Variants in CACNB2 observed in about 807,000 individuals in gnomAD.
CACNB2 encodes voltage-dependent L-type calcium channel subunit beta-2.
Under a neutral mutation model 73.3 loss-of-function variants are expected in CACNB2, and 42 were observed. That is an observed-to-expected ratio of 0.57 (90% confidence interval 0.45 to 0.74). The LOEUF (loss-of-function observed/expected upper bound fraction) is 0.74. CACNB2 is among the 30% of genes least tolerant of loss of function. The probability of loss-of-function intolerance (pLI) is 0.00; values close to 1 mark genes in which losing one functional copy is unlikely to be tolerated. For missense variants in CACNB2, 940 were observed against 853.0 expected (o/e 1.10, Z -1.27); for synonymous variants, 348 against 310.3 (o/e 1.12, Z -1.28).
chr10:18,244,674 G>A (rs1175761666), intron 2 of CACNB2, among the ~76,000 whole-genome samples: 1 of 152,204 alleles, frequency 6.6e-6, no homozygotes. Context: ...GAGAAGGATG[G>A]CTCCCTACCA....
chr10:18,481,341 G>C (rs1436360368), intron 3 of CACNB2, among the ~76,000 whole-genome samples: 1 of 137,556 alleles, frequency 7.3e-6, no homozygotes, highest in African/African-American at 2.8e-5. Flanking sequence ...CTGCCTCCTG[G>C]CTTCAAGTGA....
intron 7 of CACNB2, among the ~76,000 whole-genome samples, chr10:18,516,248 G>A (rs1170053931): frequency 2.0e-5 from 3 of 152,166 alleles, no homozygotes; most frequent in Non-Finnish European, 1.5e-5. Context: ...CAAGCTAAAT[G>A]GGGTTAACAG....
chr10:18,224,756 A>G (rs2035924850), intron 2 of CACNB2, among the ~76,000 whole-genome samples: 1 of 152,206 alleles, frequency 6.6e-6, no homozygotes, highest in African/African-American at 2.4e-5. Context: ...TTTCAAGGTA[A>G]TAACTTTACT....
intron 2 of CACNB2, among the ~76,000 whole-genome samples, chr10:18,298,742 C>T (rs2039380346): frequency 6.6e-6 from 1 of 152,212 alleles, no homozygotes; most frequent in Non-Finnish European, 1.5e-5. Context: ...ATGCCACCTT[C>T]TTGTAGTTCA....
At chr10:18,279,217 C>T (rs1196673038) in intron 2 of CACNB2, among the ~76,000 whole-genome samples, 1 of 152,166 alleles carries the variant, frequency 6.6e-6, no homozygotes, top group Non-Finnish European at 1.5e-5. Flanking sequence ...TGGTTCTTTT[C>T]TTCCTGGAAG....
intron 3 of CACNB2, among the ~76,000 whole-genome samples, chr10:18,494,519 C>T (rs1022152384): frequency 2.0e-5 from 3 of 151,380 alleles, no homozygotes; most frequent in African/African-American, 7.3e-5. Context: ...GTAGTCCCAG[C>T]TACTCGGGAG....
In CACNB2 at chr10:18,261,326, C is replaced by A. The variant is rs1057524538; in HGVS notation, c.213+110351C>A. On this transcript the variant is annotated intron_variant, in intron 2 of 13. Coordinates refer to ENST00000324631, the MANE Select transcript of CACNB2 (RefSeq NM_201596.3). ...GAGTACGGGTGTCCTATGTAAGTTT[C>A]TATTGCTGTAGAATTGCAGCTGGGA... is the stretch of plus-strand genomic sequence containing the variant. 35 of 1,551,458 alleles carry A rather than the reference C, an allele frequency of 2.3e-5. No individual in the cohort carries two copies. The highest frequency in any genetic ancestry group is 3.1e-5 in the Non-Finnish European group (35 of 1,146,982).
intron 2 of CACNB2, among the ~76,000 whole-genome samples, chr10:18,288,485 T>C (rs2038898683): frequency 6.6e-6 from 1 of 152,210 alleles, no homozygotes; most frequent in African/African-American, 2.4e-5. Context: ...CAAATTGCTT[T>C]ATTCATCTTT....
chr10:18,269,636 T>C lies in CACNB2; in HGVS notation c.213+118661T>C, dbSNP rs545295423. Among the ~76,000 whole-genome samples the C allele has an allele frequency of 2.6e-5, 4 of 152,334 alleles. No homozygotes were observed. The South Asian group carries it at 8.3e-4, about 32-fold the overall frequency. On this transcript the variant is annotated intron_variant, in intron 2 of 13. Coordinates refer to ENST00000324631, the MANE Select transcript of CACNB2 (RefSeq NM_201596.3). Reference sequence around the variant, plus strand: ...TCAATATGCCCAGCCCAGATCTTTCTTCCAAGTTTTAGACCCATATTCAAA... The same window carrying C: ...TCAATATGCCCAGCCCAGATCTTTCCTCCAAGTTTTAGACCCATATTCAAA...
At chr10:18,298,045 C>T (rs186398113) in intron 2 of CACNB2, among the ~76,000 whole-genome samples, 81 of 152,234 alleles carry the variant, frequency 5.3e-4, no homozygotes, top group Non-Finnish European at 5.9e-5. Context: ...AGAGATAACT[C>T]GAGACAGTGC....
chr10:18,362,176 G>A (rs1254378798), intron 2 of CACNB2, among the ~76,000 whole-genome samples: 3 of 152,066 alleles, frequency 2.0e-5, no homozygotes, highest in Non-Finnish European at 4.4e-5. Flanking sequence ...AGCCTCTTTC[G>A]AGTGTTTTTG....
intron 2 of CACNB2, among the ~76,000 whole-genome samples, chr10:18,380,143 A>G (rs988201920): frequency 1.3e-5 from 2 of 152,198 alleles, no homozygotes; most frequent in South Asian, 2.1e-4. Context: ...AGTTTTTTCA[A>G]TGTAAATTTT....
intron 2 of CACNB2, among the ~76,000 whole-genome samples, chr10:18,287,028 C>T (rs527786960): frequency 6.6e-6 from 1 of 152,094 alleles, no homozygotes; most frequent in African/African-American, 2.4e-5. Flanking sequence ...TATAGGCATA[C>T]TTTAAAAATC....
At position 18,504,278 on chromosome 10, in the gene CACNB2, G is replaced by A. The variant is rs560730016; in HGVS notation, c.594-2193G>A. Among the ~76,000 whole-genome samples the A allele has an allele frequency of 3.3e-5, 5 of 152,290 alleles. No homozygotes were observed. In the East Asian group the frequency reaches 5.8e-4, roughly 18 times the overall value. On this transcript the variant is annotated intron_variant, in intron 5 of 13. Transcript: ENST00000324631. ...GATCGAGGTCGCAGAGCTAGTAAGCGTCAGAACCAAGATGGTAGCCTGACC... is the reference window on the plus strand; with the variant it reads ...GATCGAGGTCGCAGAGCTAGTAAGCATCAGAACCAAGATGGTAGCCTGACC...
At chr10:18,245,816 G>A (rs989573480) in intron 2 of CACNB2, among the ~76,000 whole-genome samples, 1 of 152,008 alleles carries the variant, frequency 6.6e-6, no homozygotes, top group Non-Finnish European at 1.5e-5. Flanking sequence ...GAAGGTATGG[G>A]GTGGGAAGTG....
chr10:18,275,402 C>G (rs909556583), intron 2 of CACNB2, among the ~76,000 whole-genome samples: 1 of 152,168 alleles, frequency 6.6e-6, no homozygotes, highest in African/African-American at 2.4e-5. Flanking sequence ...AGACTCCATA[C>G]ACACGTGGTT....
At chr10:18,158,669 T>C (rs2032231782) in intron 2 of CACNB2, among the ~76,000 whole-genome samples, 1 of 152,122 alleles carries the variant, frequency 6.6e-6, no homozygotes, top group South Asian at 2.1e-4. Context: ...TCTCCTAACT[T>C]CATCAAAAGA....
rs554594540 is a variant in CACNB2, at chr10:18,355,049, G to A, written c.214-46875G>A. ...TACCTTGAGGCTATATGTATAAAGT[G>A]TACATGAAACATTAATGAATGTTGT... is the stretch of plus-strand genomic sequence containing the variant. On this transcript the variant is annotated intron_variant, in intron 2 of 13. Transcript: ENST00000324631. 7.2e-5 allele frequency among the ~76,000 whole-genome samples: 11 copies of A among 152,300 alleles called. No homozygotes were observed. In the South Asian group the frequency reaches 1.7e-3, roughly 23 times the overall value.
intron 2 of CACNB2, among the ~76,000 whole-genome samples, chr10:18,201,140 C>G (rs2034860497): frequency 6.6e-6 from 1 of 152,122 alleles, no homozygotes; most frequent in African/African-American, 2.4e-5. Context: ...CTATGCATTA[C>G]TATTTTATTC....
Sources: allele counts gnomAD v4.1 joint callset (sites outside exome capture counted in the v4.1 genomes callset), GRCh38; gene constraint gnomAD v4.1.1; transcripts MANE v1.5; gene names NCBI Gene and HGNC (gene_info 2026-07-23, HGNC 2026-07-21).